AHRR: variants seen among roughly 807,000 people sequenced by gnomAD.
AHRR encodes ahR repressor.
In AHRR, 28 loss-of-function variants were observed where a neutral mutation model predicts 44.0. That is an observed-to-expected ratio of 0.64 (90% CI 0.47 to 0.87). The LOEUF (loss-of-function observed/expected upper bound fraction) is 0.87, where lower values mean the gene tolerates loss of function less well. Ranked by LOEUF, AHRR falls within the 40% of genes least tolerant of loss-of-function variation. The probability of loss-of-function intolerance (pLI) is 0.00; values close to 1 mark genes in which losing one functional copy is unlikely to be tolerated. For missense variants in AHRR, 990 were observed against 953.9 expected (o/e 1.04, Z -0.50); for synonymous variants, 434 against 407.0 (o/e 1.07, Z -0.80).
At chr5:344,064 A>G in intron 2 of AHRR, 100 bp downstream of exon 2, 2 of 1,326,018 alleles carry the variant, frequency 1.5e-6, no homozygotes, top group South Asian at 2.6e-5. Flanking sequence ...AGGGCGAGCG[A>G]GGAAGGCTTC....
intron 1 of AHRR, among the ~76,000 whole-genome samples, chr5:332,499 C>T (rs902805302): frequency 5.3e-5 from 8 of 152,074 alleles, no homozygotes; most frequent in African/African-American, 1.9e-4. Flanking sequence ...AACTCCTGAC[C>T]TCATGATCCA....
intron 7 of AHRR, among the ~76,000 whole-genome samples, chr5:426,205 G>A (rs1736379227): frequency 6.6e-6 from 1 of 152,236 alleles, no homozygotes; most frequent in South Asian, 2.1e-4. Flanking sequence ...TGGACAGATG[G>A]AAAGATGGAT....
chr5:353,677 G>A, intron 2 of AHRR, 53 bp from the exon 3 acceptor site: 1 of 1,543,320 alleles, frequency 6.5e-7, no homozygotes, highest in Non-Finnish European at 8.7e-7. Flanking sequence ...CGCCCCAGGG[G>A]GCCTGTGGCT....
intron 8 of AHRR, among the ~76,000 whole-genome samples, chr5:429,016 C>T (rs1436046854): frequency 6.6e-6 from 1 of 152,228 alleles, no homozygotes; most frequent in East Asian, 1.9e-4. Context: ...CAGCTTGGCT[C>T]CTAGAGGCCA....
intron 4 of AHRR, among the ~76,000 whole-genome samples, chr5:380,314 C>A (rs1560899887): frequency 8.0e-6 from 1 of 124,632 alleles, no homozygotes; most frequent in East Asian, 2.0e-4. Flanking sequence ...TATTCTAGTT[C>A]TTTTTTTTCC....
chr5:417,140 A>G (rs1735860038), intron 5 of AHRR, among the ~76,000 whole-genome samples: 1 of 133,252 alleles, frequency 7.5e-6, no homozygotes, highest in African/African-American at 2.9e-5. Context: ...CTGTATGTGC[A>G]GGGCCTGAGT....
intron 3 of AHRR, among the ~76,000 whole-genome samples, chr5:375,024 C>T (rs1743728862): frequency 6.6e-6 from 1 of 152,090 alleles, no homozygotes; most frequent in African/African-American, 2.4e-5. Context: ...AAAGTGTGAA[C>T]CACTTTGACT....
chr5:352,579 A>T (rs1742894728), intron 2 of AHRR, among the ~76,000 whole-genome samples: 1 of 133,466 alleles, frequency 7.5e-6, no homozygotes, highest in African/African-American at 2.7e-5. Flanking sequence ...GCTGTAGGGG[A>T]TGGTCACTCT....
rs1579651295 is a variant in AHRR, at chr5:387,814, G to T, written c.351+11098G>T. Among the ~76,000 whole-genome samples, 1 of 152,338 alleles carries T rather than the reference G, an allele frequency of 6.6e-6. No individual in the cohort carries two copies. The highest frequency in any genetic ancestry group is 1.9e-4 in the East Asian group (1 of 5,186). ...TTAATGAATGACTGCAAACTGTGTG[G>T]CTCGAACAACAGGGGTTATTCTTCA... On this transcript the variant is annotated intron_variant, in intron 4 of 10. Transcript: ENST00000684583. The surrounding 1 kb of genome is among the most constrained non-coding windows in gnomAD (Gnocchi z 5.1).
chr5:417,958 G>A (rs1260452216), intron 5 of AHRR, among the ~76,000 whole-genome samples: 1 of 152,202 alleles, frequency 6.6e-6, no homozygotes, highest in African/African-American at 2.4e-5. Flanking sequence ...GCTTAGTGAT[G>A]AATAAACGGC....
chr5:325,484 T>C (rs1298299856), intron 1 of AHRR, among the ~76,000 whole-genome samples: 1 of 152,212 alleles, frequency 6.6e-6, no homozygotes, highest in Non-Finnish European at 1.5e-5. Flanking sequence ...GGGATGTCCT[T>C]GCAGGCTGGC....
chr5:344,977 G>T (rs1461985015), intron 2 of AHRR, among the ~76,000 whole-genome samples: 63 of 139,142 alleles, frequency 4.5e-4, no homozygotes, highest in African/African-American at 1.6e-3. Context: ...GGGCTGTGTG[G>T]GGTGTGTGTG....
chr5:335,435 G>T lies in AHRR; in HGVS notation c.-10-8458G>T, dbSNP rs558480689. 2.0e-5 allele frequency among the ~76,000 whole-genome samples: 3 copies of T among 152,234 alleles called. No homozygotes were observed. In the East Asian group the frequency reaches 5.8e-4, roughly 29 times the overall value. ...TGGCAGGGTGTCCCCTGGGAGAAGG[G>T]CTCAGTGTCCCAGGTGGTGGACTGT... On this transcript the variant is annotated intron_variant, in intron 1 of 10. Coordinates refer to ENST00000684583, the MANE Select transcript of AHRR (RefSeq NM_001377236.1).
At position 370,551 on chromosome 5, in the gene AHRR, G is replaced by A. The variant is rs1439706257; in HGVS notation, c.245-6059G>A. 1.3e-5 allele frequency among the ~76,000 whole-genome samples: 2 copies of A among 152,204 alleles called. No homozygotes were observed. Among genetic ancestry groups the A allele is most frequent in the Non-Finnish European group, 2.9e-5 (2 of 68,044 alleles). The stretch of plus-strand genomic sequence containing the variant: ...CCCCCAGGACCCTGAGAGTCTCACA[G>A]TGGGTGCAGCCCCAGGCAGGTGGTG... On this transcript the variant is annotated intron_variant, in intron 3 of 10. Coordinates refer to ENST00000684583, the MANE Select transcript of AHRR (RefSeq NM_001377236.1). The surrounding 1 kb of genome is among the most constrained non-coding windows in gnomAD (Gnocchi z 4.5).
chr5:374,004 C>T (rs1743681203), intron 3 of AHRR, among the ~76,000 whole-genome samples: 1 of 151,916 alleles, frequency 6.6e-6, no homozygotes, highest in African/African-American at 2.4e-5. Flanking sequence ...CACCTACGCG[C>T]TTCTCGGGGA....
chr5:403,568 G>A (rs755803791), intron 4 of AHRR, among the ~76,000 whole-genome samples: 56 of 151,420 alleles, frequency 3.7e-4, no homozygotes, highest in Non-Finnish European at 5.3e-4. Context: ...CCTGGGAGGC[G>A]GAGGTTGCAG....
At chr5:414,269 A>G (rs896427496) in intron 5 of AHRR, among the ~76,000 whole-genome samples, 4 of 151,206 alleles carry the variant, frequency 2.6e-5, no homozygotes, top group Non-Finnish European at 4.4e-5. Context: ...TCTCAAAAAT[A>G]AAAATAAAAA....
chr5:433,014 C>T lies in AHRR; in HGVS notation c.1112+67C>T, dbSNP rs139722140. On this transcript the variant is annotated intron_variant, in intron 10 of 10. Coordinates refer to ENST00000684583, the MANE Select transcript of AHRR (RefSeq NM_001377236.1). ...CTAAGTCACCGTGGAGGCCAAAGAG[C>T]GGGTGGGGGAGTGATTAAGAAGAAA... 3.2e-4 allele frequency: 463 copies of T among 1,464,136 alleles called. 1 individual carries two copies. The Middle Eastern group carries it at 8.5e-3, about 27-fold the overall frequency. The allele number at this position is 1,464,136 out of a possible 1,614,324, so 90.7% of individuals were successfully genotyped here. A position where few individuals can be genotyped will look rare whatever the true frequency, so the allele number is the denominator to read the frequency against.
chr5:401,967 G>GA, intron 4 of AHRR, among the ~76,000 whole-genome samples: 1 of 152,192 alleles, frequency 6.6e-6, no homozygotes, highest in Non-Finnish European at 1.5e-5. Context: ...GCACCAAACT[G>GA]AAAAACTTTT....
Sources: gnomAD v4.1 joint callset for allele counts (sites outside exome capture counted in the v4.1 genomes callset) on GRCh38, gnomAD v4.1.1 for gene constraint, Gnocchi (gnomAD v3.1) non-coding constraint, MANE v1.5 for transcripts, NCBI Gene and HGNC (gene_info 2026-07-23, HGNC 2026-07-21) for gene names.